CDH18: variants seen among roughly 807,000 people sequenced by gnomAD.
The protein encoded by CDH18 is cadherin-18.
CDH18 carries 31 observed loss-of-function variants against 67.9 expected under a neutral mutation model. The observed-to-expected ratio is 0.46, with a 90% CI of 0.34 to 0.62. CDH18 has a LOEUF of 0.62. Ranked by LOEUF, CDH18 falls within the 20% of genes least tolerant of loss-of-function variation. CDH18 has a pLI of 0.01. For synonymous variants in CDH18, 362 were observed against 347.2 expected (o/e 1.04, Z -0.48); for missense variants, 890 against 975.5 (o/e 0.91, Z 1.17).
At chr5:19,785,629 C>T (rs1465819943) in intron 3 of CDH18, among the ~76,000 whole-genome samples, 2 of 96,224 alleles carry the variant, frequency 2.1e-5, no homozygotes, top group African/African-American at 8.0e-5. Flanking sequence ...ATTCCAGCCT[C>T]GGCAACAAGA....
chr5:19,628,198 T>C (rs1751843016), intron 5 of CDH18, among the ~76,000 whole-genome samples: 1 of 152,098 alleles, frequency 6.6e-6, no homozygotes, highest in Non-Finnish European at 1.5e-5. Flanking sequence ...TGATTCTCAT[T>C]CTCTCTTGTC....
chr5:20,155,666 A>T (rs1751468806), intron 2 of CDH18, among the ~76,000 whole-genome samples: 1 of 152,050 alleles, frequency 6.6e-6, no homozygotes, highest in Non-Finnish European at 1.5e-5. Flanking sequence ...TATACAAAAG[A>T]TATTTTCCTA....
intron 2 of CDH18, among the ~76,000 whole-genome samples, chr5:20,185,270 C>T (rs987962542): frequency 6.6e-6 from 1 of 152,024 alleles, no homozygotes; most frequent in African/African-American, 2.4e-5. Flanking sequence ...ATCCACAGTC[C>T]ACTATATATT....
intron 2 of CDH18, among the ~76,000 whole-genome samples, chr5:19,846,301 CA>C (rs1782939711): frequency 6.6e-6 from 1 of 152,020 alleles, no homozygotes; most frequent in Non-Finnish European, 1.5e-5. Flanking sequence ...TTACTTCACC[CA>C]CACTAACATG....
chr5:20,418,641 A>T (rs1747551011), intron 1 of CDH18, among the ~76,000 whole-genome samples: 1 of 97,094 alleles, frequency 1.0e-5, no homozygotes, highest in Admixed American at 1.4e-4. Flanking sequence ...TATTTAAAAC[A>T]AATGAAGATT....
At chr5:20,327,759 T>A (rs1318643930) in intron 1 of CDH18, among the ~76,000 whole-genome samples, 2 of 152,076 alleles carry the variant, frequency 1.3e-5, no homozygotes, top group Non-Finnish European at 2.9e-5. Flanking sequence ...GTCTTAGAAA[T>A]GTCCTCATTG....
At chr5:19,827,653 T>C (rs959291900) in intron 3 of CDH18, among the ~76,000 whole-genome samples, 3 of 151,942 alleles carry the variant, frequency 2.0e-5, no homozygotes, top group African/African-American at 4.8e-5. Context: ...AAGTAAACAA[T>C]GAAATTAAGT....
At chr5:20,390,959 G>A (rs968299170) in intron 1 of CDH18, among the ~76,000 whole-genome samples, 9 of 151,966 alleles carry the variant, frequency 5.9e-5, no homozygotes, top group South Asian at 2.1e-4. Context: ...CCAGGAAGGG[G>A]AACGTCACAC....
intron 2 of CDH18, among the ~76,000 whole-genome samples, chr5:20,047,597 G>A (rs114173715): frequency 7.9e-4 from 120 of 151,780 alleles, no homozygotes; most frequent in South Asian, 2.7e-3. Flanking sequence ...ATGAGCAAAC[G>A]TTTGCTTTCA....
At position 20,220,045 on chromosome 5, in the gene CDH18, A is replaced by G. The variant is rs571081968; in HGVS notation, c.-518+35399T>C. 1.1e-4 allele frequency among the ~76,000 whole-genome samples: 17 copies of G among 152,096 alleles called. No homozygotes were observed. In the South Asian group the frequency reaches 3.5e-3, roughly 32 times the overall value. ...GAGTTAATATTGTTAAAATGTATAC[A>G]TTTCCCAAAGTAATGTATAGATTCA... On this transcript the variant is annotated intron_variant, in intron 2 of 14. Coordinates refer to the CDH18 transcript ENST00000507958.
intron 2 of CDH18, among the ~76,000 whole-genome samples, chr5:20,062,233 T>G (rs1015915177): frequency 6.6e-6 from 1 of 151,224 alleles, no homozygotes; most frequent in African/African-American, 2.4e-5. Flanking sequence ...CTTGGCTCAC[T>G]GCTACCTCTG....
chr5:20,013,278 T>C (rs936399602), intron 2 of CDH18, among the ~76,000 whole-genome samples: 3 of 152,078 alleles, frequency 2.0e-5, no homozygotes, highest in African/African-American at 7.2e-5. Context: ...TATTTGTTGT[T>C]TTTTAAGAGT....
At chr5:20,304,814 T>C (rs1357426155) in intron 1 of CDH18, 2 of 1,611,314 alleles carry the variant, frequency 1.2e-6, no homozygotes, top group South Asian at 2.2e-5. Context: ...GCAGCTTTGT[T>C]AGATTCACTT....
chr5:20,023,527 C>T (rs1054342232), intron 2 of CDH18, among the ~76,000 whole-genome samples: 8 of 151,930 alleles, frequency 5.3e-5, no homozygotes, highest in Non-Finnish European at 1.2e-4. Context: ...GGCGTGGTGG[C>T]GGGCACCTGT....
intron 3 of CDH18, among the ~76,000 whole-genome samples, chr5:19,774,056 A>G (rs940899995): frequency 1.8e-4 from 28 of 152,318 alleles, no homozygotes; most frequent in African/African-American, 6.3e-4. Flanking sequence ...ACTTTTGGAC[A>G]TATTACTGGT....
At chr5:20,346,282 TA>T (rs1245306564) in intron 1 of CDH18, among the ~76,000 whole-genome samples, 1 of 152,140 alleles carries the variant, frequency 6.6e-6, no homozygotes, top group Non-Finnish European at 1.5e-5. Context: ...AGCTTTTGCT[TA>T]TCAACTATTT....
At chr5:19,882,214 A>C (rs963543292) in intron 2 of CDH18, among the ~76,000 whole-genome samples, 10 of 152,138 alleles carry the variant, frequency 6.6e-5, no homozygotes, top group Non-Finnish European at 1.0e-4. Context: ...CACAATTTAC[A>C]GTTCTTTCCT....
intron 2 of CDH18, among the ~76,000 whole-genome samples, chr5:19,847,581 T>C (rs1323299294): frequency 6.6e-6 from 1 of 152,122 alleles, no homozygotes; most frequent in East Asian, 1.9e-4. Context: ...CTTCCATTTT[T>C]AGGGTTAGTA....
chr5:20,527,786 T>C (rs1376032798), intron 1 of CDH18, among the ~76,000 whole-genome samples: 1 of 152,016 alleles, frequency 6.6e-6, no homozygotes, highest in Non-Finnish European at 1.5e-5. Context: ...GGAAAAACCA[T>C]TGCCAGCCAT....
Sources: allele counts gnomAD v4.1 joint callset (sites outside exome capture counted in the v4.1 genomes callset), GRCh38; gene constraint gnomAD v4.1.1; transcripts MANE v1.5; gene names NCBI Gene and HGNC (gene_info 2026-07-23, HGNC 2026-07-21).